The following RPS6KA5 variants were observed in gnomAD, a reference collection of about 807,000 sequenced individuals.
The protein encoded by RPS6KA5 is ribosomal protein S6 kinase A5, also known as ribosomal protein S6 kinase alpha-5.
In RPS6KA5, 27 loss-of-function variants were observed where a neutral mutation model predicts 85.5. That is an observed-to-expected ratio of 0.32 (90% CI 0.23 to 0.44). RPS6KA5 has a LOEUF of 0.44. Ranked by LOEUF, RPS6KA5 falls within the 20% of genes least tolerant of loss-of-function variation. The probability of loss-of-function intolerance (pLI) is 1.00; values close to 1 mark genes in which losing one functional copy is unlikely to be tolerated. For synonymous variants in RPS6KA5, 334 were observed against 348.2 expected (o/e 0.96, Z 0.46); for missense variants, 811 against 980.9 (o/e 0.83, Z 2.31).
At chr14:91,058,299 A>G (rs2043406851) in intron 1 of RPS6KA5, among the ~76,000 whole-genome samples, 1 of 152,218 alleles carries the variant, frequency 6.6e-6, no homozygotes, top group South Asian at 2.1e-4. Flanking sequence ...CATCAGAAAA[A>G]TTTCTAAAAT....
chr14:90,957,315 A>G (rs957284561), intron 3 of RPS6KA5, among the ~76,000 whole-genome samples: 1 of 152,064 alleles, frequency 6.6e-6, no homozygotes, highest in East Asian at 1.9e-4. Context: ...TCTGCCTCCC[A>G]TGGCCTCCCA....
chr14:90,940,133 T>C (rs2037490447), intron 5 of RPS6KA5, among the ~76,000 whole-genome samples: 1 of 152,096 alleles, frequency 6.6e-6, no homozygotes, highest in Admixed American at 6.5e-5. Flanking sequence ...AGCATGATAG[T>C]ATGTCCTCTA....
intron 1 of RPS6KA5, among the ~76,000 whole-genome samples, chr14:91,043,348 A>G (rs1398460619): frequency 6.6e-6 from 1 of 152,178 alleles, no homozygotes; most frequent in Non-Finnish European, 1.5e-5. Flanking sequence ...CTAATGGTCA[A>G]TGATGCTAGG....
chr14:90,877,758 C>G (rs1433648944), intron 14 of RPS6KA5, among the ~76,000 whole-genome samples: 1 of 152,100 alleles, frequency 6.6e-6, no homozygotes, highest in Non-Finnish European at 1.5e-5. Flanking sequence ...AGAGTATAAC[C>G]CAGTTACCCA....
intron 1 of RPS6KA5, among the ~76,000 whole-genome samples, chr14:91,008,185 C>G (rs572993349): frequency 6.6e-6 from 1 of 152,316 alleles, no homozygotes; most frequent in African/African-American, 2.4e-5. Flanking sequence ...GTGCTGAAAT[C>G]ATTTGATTAG....
rs370053990 is a variant in RPS6KA5, at chr14:90,867,142, A to C, written c.*4932T>G. 22 of 152,296 alleles carry C rather than the reference A, an allele frequency of 1.4e-4. No individual in the cohort carries two copies. In the East Asian group the frequency reaches 2.7e-3, roughly 19 times the overall value. 9.4% of individuals were successfully genotyped at this position (152,296 alleles called of 1,614,324 possible). ...TTTTAAAACAAAGCAAACAAAAGAAACAAGGATTTTCTAATCTATCTATAA... is the reference window on the plus strand; with the variant it reads ...TTTTAAAACAAAGCAAACAAAAGAACCAAGGATTTTCTAATCTATCTATAA... On this transcript the variant is annotated 3_prime_UTR_variant, in exon 17 of 17. Transcript: ENST00000614987.
chr14:91,032,954 G>A (rs1285399451), intron 1 of RPS6KA5, among the ~76,000 whole-genome samples: 1 of 151,702 alleles, frequency 6.6e-6, no homozygotes. Flanking sequence ...TGGGCAGATC[G>A]AGGTCAGGAG....
chr14:90,937,345 A>G (rs2037316314), intron 5 of RPS6KA5, among the ~76,000 whole-genome samples: 1 of 152,172 alleles, frequency 6.6e-6, no homozygotes, highest in Admixed American at 6.6e-5. Flanking sequence ...GAGTAAGTAG[A>G]GACAAATACT....
At chr14:90,937,290 G>A (rs2037312223) in intron 5 of RPS6KA5, among the ~76,000 whole-genome samples, 2 of 152,114 alleles carry the variant, frequency 1.3e-5, no homozygotes, top group South Asian at 4.1e-4. Context: ...GGGGGGCAAG[G>A]AGGTACAAGC....
chr14:90,934,017 T>C (rs2037131055), intron 5 of RPS6KA5, among the ~76,000 whole-genome samples: 1 of 152,220 alleles, frequency 6.6e-6, no homozygotes, highest in Non-Finnish European at 1.5e-5. Flanking sequence ...GATTTCAAAG[T>C]GTAGCCTCTT....
At position 90,943,182 on chromosome 14, in the gene RPS6KA5, C is replaced by A. The variant is rs2037671733; in HGVS notation, c.514G>T (p.Gly172Trp). 1.3e-6 allele frequency: 2 copies of A among 1,522,302 alleles called. No homozygotes were observed. The highest frequency in any genetic ancestry group is 3.5e-5 in the Admixed American group (2 of 57,816). The allele number at this position is 1,522,302 out of a possible 1,614,324, so 94.3% of individuals were successfully genotyped here. The change falls in exon 5 of 17, where the codon GGG becomes TGG. Residue 172 changes from glycine to tryptophan, a missense_variant. Gly to Trp is a radical substitution (Grantham distance 184, BLOSUM62 -2). Coordinates refer to ENST00000614987, the MANE Select transcript of RPS6KA5 (RefSeq NM_004755.4). ...VLALEHLHKLGIIYRDIKLEN... is the reference protein window; with the variant it reads ...VLALEHLHKLWIIYRDIKLEN... ...AGCTTAATATCACGATATATAATCC[C>A]CAACTGCAAAAACAAAGAAATATAA...
rs71117383 is a variant in RPS6KA5, at chr14:90,856,361, T to TG, written c.*15712_*15713insC. 1 of 10,828 alleles carries TG rather than the reference T, an allele frequency of 9.2e-5. No individual in the cohort carries two copies. The highest frequency in any genetic ancestry group is 8.8e-4 in the Admixed American group (1 of 1,140). 0.7% of individuals were successfully genotyped at this position (10,828 alleles called of 1,614,324 possible). A position where few individuals can be genotyped will look rare whatever the true frequency, so the allele number is the denominator to read the frequency against. On this transcript the variant is annotated 3_prime_UTR_variant, in exon 17 of 17. Coordinates refer to ENST00000614987, the MANE Select transcript of RPS6KA5 (RefSeq NM_004755.4). ...CTACAGCCTTTCTAGCTATGCGTGA[T>TG]TTTTTTTTTTTTTTTTTTTGAGACG...
At chr14:90,980,595 C>G (rs995812920) in intron 2 of RPS6KA5, among the ~76,000 whole-genome samples, 6 of 152,300 alleles carry the variant, frequency 3.9e-5, no homozygotes, top group South Asian at 4.1e-4. Flanking sequence ...GAACTATTAT[C>G]TCCATTTTAT....
In RPS6KA5 at chr14:91,024,878, AT is replaced by A. The variant is rs202084288; in HGVS notation, c.104-23720del. The stretch of plus-strand genomic sequence containing the variant: ...CTCTCGCCTTTTTTTCATAGAGCCA[AT>A]TTTTTTTTTAAATTTTTTTTGAGAC... On this transcript the variant is annotated intron_variant, in intron 1 of 16. Coordinates refer to ENST00000614987, the MANE Select transcript of RPS6KA5 (RefSeq NM_004755.4). Among the ~76,000 whole-genome samples, 4 of 150,188 alleles carry A rather than the reference AT, an allele frequency of 2.7e-5. No homozygotes were observed. The East Asian group carries it at 5.8e-4, about 22-fold the overall frequency.
intron 1 of RPS6KA5, among the ~76,000 whole-genome samples, chr14:91,006,347 GA>G (rs1265741915): frequency 6.6e-6 from 1 of 152,174 alleles, no homozygotes; most frequent in Non-Finnish European, 1.5e-5. Flanking sequence ...CTGGTTCTAT[GA>G]TCTGAATGTT....
In RPS6KA5 at chr14:91,060,632, C is replaced by A; in HGVS notation, c.-198G>T. ...CCTCCTCCCCCTTCGGCGGGCACCG[C>A]TAGTACCGCGCAACCAAACCGCCCC... On this transcript the variant is annotated 5_prime_UTR_variant, in exon 1 of 17. Coordinates refer to ENST00000614987, the MANE Select transcript of RPS6KA5 (RefSeq NM_004755.4). 1 of 683,014 alleles carries A rather than the reference C, an allele frequency of 1.5e-6. No homozygotes were observed. The highest frequency in any genetic ancestry group is 2.0e-6 in the Non-Finnish European group (1 of 488,744). 42.3% of individuals were successfully genotyped at this position (683,014 alleles called of 1,614,324 possible).
intron 3 of RPS6KA5, among the ~76,000 whole-genome samples, chr14:90,967,980 G>C (rs2039151008): frequency 6.6e-6 from 1 of 152,002 alleles, no homozygotes; most frequent in African/African-American, 2.4e-5. Context: ...CCTTCATATT[G>C]CTGCTATAGG....
chr14:90,980,351 G>A (rs970211384), intron 2 of RPS6KA5, among the ~76,000 whole-genome samples: 1 of 152,120 alleles, frequency 6.6e-6, no homozygotes, highest in Non-Finnish European at 1.5e-5. Context: ...TAACTCCAGA[G>A]CACTATGGTT....
chr14:90,957,268 T>C lies in RPS6KA5; in HGVS notation c.395-9718A>G, dbSNP rs79676870. On this transcript the variant is annotated intron_variant, in intron 3 of 16. Coordinates refer to ENST00000614987, the MANE Select transcript of RPS6KA5 (RefSeq NM_004755.4). ...TTAGTAGAGACAGGGTTTCGCCATG[T>C]TGGCCAGGCTGCTCTCAAACTGCTG... Among the ~76,000 whole-genome samples the C allele has an allele frequency of 2.0e-5, 3 of 152,228 alleles. No homozygotes were observed. In the East Asian group the frequency reaches 5.8e-4, roughly 29 times the overall value.
Sources: gnomAD v4.1 joint callset for allele counts (sites outside exome capture counted in the v4.1 genomes callset) on GRCh38, gnomAD v4.1.1 for gene constraint, MANE v1.5 for transcripts, NCBI Gene and HGNC (gene_info 2026-07-23, HGNC 2026-07-21) for gene names.